Variants in EMC1 observed in about 807,000 individuals in gnomAD.
The protein encoded by EMC1 is ER membrane protein complex subunit 1, also known as KIAA0090.
In EMC1, 103 loss-of-function variants were observed where a neutral mutation model predicts 128.8. That is an observed-to-expected ratio of 0.80 (90% CI 0.68 to 0.94). EMC1 has a LOEUF of 0.94. Among genes scored for constraint, EMC1 ranks in the 40% least tolerant of loss-of-function variants. EMC1 has a pLI of 0.00. For missense variants in EMC1, 1,083 were observed against 1,250.6 expected (o/e 0.87, Z 2.02); for synonymous variants, 442 against 490.4 (o/e 0.90, Z 1.30).
chr1:19,227,641 C>A (rs41307870), intron 17 of EMC1, among the ~76,000 whole-genome samples, 191 bp from the exon 18 acceptor site: 1 of 151,638 alleles, frequency 6.6e-6, no homozygotes, highest in African/African-American at 2.4e-5. Flanking sequence ...CCAAGGCGGG[C>A]GGATCACTTG....
intron 21 of EMC1, chr1:19,220,261 T>A (rs1049313182): frequency 1.3e-5 from 2 of 159,496 alleles, no homozygotes; most frequent in Non-Finnish European, 2.8e-5. Flanking sequence ...CTTGCCCACA[T>A]GGTCTGGCCC....
At position 19,222,835 on chromosome 1, in the gene EMC1, C is replaced by T; in HGVS notation, c.2377-1G>A. ...GAGCCTTGGTGTTCCAGTACTGGTA[C>T]TGCAGGGATAGGAGGTGGCAGCTCA... On this transcript the variant is annotated splice_acceptor_variant, in intron 19 of 22. Coordinates refer to ENST00000477853, the MANE Select transcript of EMC1 (RefSeq NM_015047.3). LOFTEE classifies it high-confidence loss of function. 1 of 1,601,854 alleles carries T rather than the reference C, an allele frequency of 6.2e-7. No individual in the cohort carries two copies. Among genetic ancestry groups the T allele is most frequent in the Non-Finnish European group, 8.5e-7 (1 of 1,171,574 alleles).
intron 12 of EMC1, 97 bp from the exon 13 acceptor site, chr1:19,235,349 CTT>C (rs1340196582): frequency 7.5e-7 from 1 of 1,329,654 alleles, no homozygotes; most frequent in Non-Finnish European, 1.0e-6. Flanking sequence ...GGGTGAATCT[CTT>C]GAGCCCAGGA....
chr1:19,231,022 C>T, intron 16 of EMC1, 59 bp from the exon 17 acceptor site: 3 of 1,601,886 alleles, frequency 1.9e-6, no homozygotes, highest in Non-Finnish European at 2.6e-6. Flanking sequence ...CAAAGAGAGC[C>T]TTAAGAATAA....
intron 13 of EMC1, among the ~76,000 whole-genome samples, chr1:19,233,807 CG>C (rs1346558744): frequency 6.6e-6 from 1 of 152,192 alleles, no homozygotes; most frequent in Non-Finnish European, 1.5e-5. Context: ...CCACTCACTG[CG>C]GGGTAACACT....
In EMC1 at chr1:19,228,762, AT is replaced by A. The variant is rs2093497308; in HGVS notation, c.2065-1313del. Among the ~76,000 whole-genome samples the A allele has an allele frequency of 2.0e-5, 3 of 152,290 alleles. No individual in the cohort carries two copies. The East Asian group carries it at 5.8e-4, about 29-fold the overall frequency. On this transcript the variant is annotated intron_variant, in intron 17 of 22. Transcript: ENST00000477853. ...AATTGCATGTGAATGAGAAAAAAAAATAAAATGGGCCGGGCGTGGTGGCTCA... is the reference window on the plus strand; with the variant it reads ...AATTGCATGTGAATGAGAAAAAAAAAAAAATGGGCCGGGCGTGGTGGCTCA...
intron 12 of EMC1, 44 bp from the exon 13 acceptor site, chr1:19,235,296 AGT>A: frequency 1.9e-6 from 3 of 1,588,712 alleles, no homozygotes; most frequent in Non-Finnish European, 2.6e-6. Flanking sequence ...GGCTGGGCAC[AGT>A]GGCTCATGCC....
Position 19,230,850 on chromosome 1 carries a change from A to C in EMC1, c.2058T>G (p.Leu686=). The part of the protein sequence containing the change: ...AEQGRLCGYR[L]RKDLTTELSW... ...CCAGGACATGCCTTCCTACCTTTCG[A>C]AGCCGATATCCACACAGCCGTCCCT... Residue 686 remains leucine (L), a synonymous_variant, in exon 17 of 23, where the codon CTT becomes CTG. Coordinates refer to ENST00000477853, the MANE Select transcript of EMC1 (RefSeq NM_015047.3). The C allele has an allele frequency of 6.2e-7, 1 of 1,613,478 alleles. No individual in the cohort carries two copies.
chr1:19,249,759 T>C (rs2093648650), intron 1 of EMC1, among the ~76,000 whole-genome samples: 1 of 151,372 alleles, frequency 6.6e-6, no homozygotes, highest in African/African-American at 2.4e-5. Flanking sequence ...ACCCCGTCTC[T>C]ACAAAAAATA....
In EMC1 at chr1:19,219,435, G is replaced by A. The variant is rs1414167096; in HGVS notation, c.2850C>T (p.Ser950=). The A allele has an allele frequency of 1.2e-6, 2 of 1,613,796 alleles. No individual in the cohort carries two copies. Among genetic ancestry groups the A allele is most frequent in the African/African-American group, 1.3e-5 (1 of 74,830 alleles). The change falls in exon 23 of 23, where the codon TCC becomes TCT. Residue 950 remains serine, a synonymous_variant. Transcript: ENST00000477853. ...LDIYQTRVYP[S]KQFDVLKDDY... ...CATCCTTCAGAACGTCAAACTGCTT[G>A]GATGGGTAGACTCGAGTTTGGTAAA...
intron 18 of EMC1, among the ~76,000 whole-genome samples, chr1:19,224,650 C>T (rs1195081821): frequency 1.3e-5 from 2 of 152,206 alleles, no homozygotes; most frequent in African/African-American, 4.8e-5. Flanking sequence ...GGTCTGCTTT[C>T]CTCCTCACCC....
At chr1:19,238,542 C>T (rs1176961436) in intron 10 of EMC1, among the ~76,000 whole-genome samples, 1 of 152,150 alleles carries the variant, frequency 6.6e-6, no homozygotes, top group Admixed American at 6.5e-5. Context: ...CTGTGCCAGC[C>T]AGGATCCCAA....
Position 19,237,166 on chromosome 1 carries a change from G to T in EMC1, c.1285C>A (p.Leu429Met). The change falls in exon 12 of 23, where the codon CTG (leucine) becomes ATG (methionine). Residue 429 changes from leucine (L) to methionine (M), a missense_variant. Physicochemically the swap from Leu to Met is conservative, Grantham distance 15 (BLOSUM62 2). Transcript: ENST00000477853. ...CCCAACTGCTGCAGGAAAAGTAGCA[G>T]ATGATCCTCTGTCTGCACCAAAGCC... ...YRALVQTEDH[L>M]LLFLQQLAGK... 1.2e-6 allele frequency: 2 copies of T among 1,613,896 alleles called. No individual in the cohort carries two copies. The highest frequency in any genetic ancestry group is 1.7e-6 in the Non-Finnish European group (2 of 1,179,892).
rs537728430 is a variant in EMC1 at position 19,239,008 on chromosome 1, G to A, written c.1027-151C>T. On this transcript the variant is annotated intron_variant, in intron 9 of 22. Transcript: ENST00000477853. Reference sequence around the variant, plus strand: ...CACAAAGCCTATTCAACCCTTAATAGCCCCATATGAAAGTAAGGTCATCAC... The same window carrying A: ...CACAAAGCCTATTCAACCCTTAATAACCCCATATGAAAGTAAGGTCATCAC... 4 of 726,856 alleles carry A rather than the reference G, an allele frequency of 5.5e-6. No homozygotes were observed. In the African/African-American group the frequency reaches 7.0e-5, roughly 13 times the overall value. The allele number at this position is 726,856 out of a possible 1,614,324, so 45.0% of individuals were successfully genotyped here.
rs750358879 is a variant in EMC1, at chr1:19,230,929, C to T, written c.1979G>A (p.Arg660Gln). Residue 660 changes from arginine (R) to glutamine (Q), a missense_variant, in exon 17 of 23, where the codon CGA (arginine) becomes CAA (glutamine). Coordinates refer to ENST00000477853, the MANE Select transcript of EMC1 (RefSeq NM_015047.3). ...GGAAGGGGCAAGCTCATGTAGCTGT[C>T]GCAAGACATTCCGAGTGGCTGGAAA... ...TAFPATRNVL[R>Q]QLHELAPSIF... 28 of 1,614,002 alleles carry T rather than the reference C, an allele frequency of 1.7e-5. No individual in the cohort carries two copies. The South Asian group carries it at 2.5e-4, about 15-fold the overall frequency.
chr1:19,235,029 C>A, intron 13 of EMC1, 101 bp downstream of exon 13: 1 of 1,424,284 alleles, frequency 7.0e-7, no homozygotes, highest in South Asian at 1.4e-5. Flanking sequence ...AGCAATCTGC[C>A]CAGCCTAGGA....
intron 8 of EMC1, 51 bp downstream of exon 8, chr1:19,239,767 T>A: frequency 1.3e-6 from 2 of 1,573,840 alleles, no homozygotes; most frequent in Non-Finnish European, 1.7e-6. Flanking sequence ...CTAGCATCCA[T>A]GTCTTGGAGA....
chr1:19,227,426 C>T lies in EMC1; in HGVS notation c.2089G>A (p.Glu697Lys), dbSNP rs1005818316. The T allele has an allele frequency of 3.1e-6, 5 of 1,614,198 alleles. No homozygotes were observed. In the South Asian group the frequency reaches 4.4e-5, roughly 14 times the overall value. Reference protein sequence around the residue: ...RKDLTTELSWELTIPPEVQRI... With the variant: ...RKDLTTELSWKLTIPPEVQRI... ...TGTACTTCTGGGGGAATGGTCAGCTCCCAACTCAGCTCAGTGGTGAGATCC... is the reference window on the plus strand; with the variant it reads ...TGTACTTCTGGGGGAATGGTCAGCTTCCAACTCAGCTCAGTGGTGAGATCC... The change falls in exon 18 of 23, where the codon GAG (glutamate) becomes AAG (lysine). Residue 697 changes from glutamate to lysine, a missense_variant. Coordinates refer to ENST00000477853, the MANE Select transcript of EMC1 (RefSeq NM_015047.3).
rs1261194928 is a variant in EMC1 at position 19,244,016 on chromosome 1, C to T, written c.221-1G>A. Reference sequence around the variant, plus strand: ...GTGCCCTTGTCAACATGGCGCCACACTGAGAGACATGAAAGTTAGACATTA... The same window carrying T: ...GTGCCCTTGTCAACATGGCGCCACATTGAGAGACATGAAAGTTAGACATTA... On this transcript the variant is annotated splice_acceptor_variant, in intron 2 of 22. Transcript: ENST00000477853. LOFTEE classifies it high-confidence loss of function. The T allele has an allele frequency of 1.9e-6, 3 of 1,613,946 alleles. No homozygotes were observed. Among genetic ancestry groups the T allele is most frequent in the African/African-American group, 1.3e-5 (1 of 74,904 alleles).
Sources: allele counts gnomAD v4.1 joint callset (sites outside exome capture counted in the v4.1 genomes callset), GRCh38; gene constraint gnomAD v4.1.1; transcripts MANE v1.5; gene names NCBI Gene and HGNC (gene_info 2026-07-23, HGNC 2026-07-21).